The following ARL15 variants were observed in gnomAD, a reference collection of about 807,000 sequenced individuals.
ARL15 encodes the protein ADP-ribosylation factor-like protein 15.
ARL15 carries 19 observed loss-of-function variants against 25.2 expected under a neutral mutation model. The ratio of observed to expected loss-of-function variants is 0.75; its 90% CI spans 0.53 to 1.10. The LOEUF is 1.10. ARL15 is among the 50% of genes least tolerant of loss of function. The probability of loss-of-function intolerance (pLI) is 0.00; values close to 1 mark genes in which losing one functional copy is unlikely to be tolerated. For synonymous variants in ARL15, 94 were observed against 86.8 expected (o/e 1.08, Z -0.46); for missense variants, 220 against 246.0 (o/e 0.89, Z 0.71).
intron 4 of ARL15, among the ~76,000 whole-genome samples, chr5:53,909,025 C>A (rs1231587628): frequency 6.6e-6 from 1 of 152,162 alleles, no homozygotes; most frequent in Non-Finnish European, 1.5e-5. Context: ...GAGTCTTCAG[C>A]TTCTAAATTA....
chr5:53,967,689 A>G (rs1747608201), intron 4 of ARL15, among the ~76,000 whole-genome samples: 1 of 152,178 alleles, frequency 6.6e-6, no homozygotes, highest in African/African-American at 2.4e-5. Flanking sequence ...CAGATCTAGG[A>G]ATCATCTGCA....
chr5:54,247,401 A>AT (rs898509758), intron 1 of ARL15, among the ~76,000 whole-genome samples: 26 of 152,234 alleles, frequency 1.7e-4, no homozygotes, highest in African/African-American at 6.3e-4. Context: ...AATAACCTTG[A>AT]TGTGGGGTCG....
chr5:54,045,127 C>T (rs1750465159), intron 4 of ARL15, among the ~76,000 whole-genome samples: 2 of 152,126 alleles, frequency 1.3e-5, no homozygotes, highest in South Asian at 4.1e-4. Flanking sequence ...CTATACCTTA[C>T]CTGTACCAAA....
At chr5:53,978,859 G>A (rs903802201) in intron 4 of ARL15, among the ~76,000 whole-genome samples, 1 of 152,060 alleles carries the variant, frequency 6.6e-6, no homozygotes, top group Non-Finnish European at 1.5e-5. Context: ...TTTTCACAAA[G>A]GGAATGAGAA....
intron 4 of ARL15, among the ~76,000 whole-genome samples, chr5:53,992,155 T>A (rs889520651): frequency 2.0e-5 from 3 of 152,196 alleles, no homozygotes; most frequent in Admixed American, 2.0e-4. Flanking sequence ...CCATCTAATG[T>A]TGAAGCTGTG....
chr5:53,949,411 T>G (rs1311368718), intron 4 of ARL15, among the ~76,000 whole-genome samples: 1 of 152,180 alleles, frequency 6.6e-6, no homozygotes, highest in African/African-American at 2.4e-5. Flanking sequence ...GCCTAAAAAG[T>G]TGCTGTGTTT....
chr5:54,161,154 A>G (rs1754390827), intron 2 of ARL15, among the ~76,000 whole-genome samples: 1 of 152,172 alleles, frequency 6.6e-6, no homozygotes, highest in Admixed American at 6.5e-5. Context: ...TCAAGTTACC[A>G]TAATGTAATT....
chr5:54,150,045 A>G (rs534409963), intron 3 of ARL15, among the ~76,000 whole-genome samples: 4 of 152,322 alleles, frequency 2.6e-5, no homozygotes, highest in South Asian at 2.1e-4. Context: ...TTCTAGGCCT[A>G]TAAGAAGTAA....
At chr5:54,179,427 G>A (rs779442954) in intron 1 of ARL15, among the ~76,000 whole-genome samples, 6 of 152,114 alleles carry the variant, frequency 3.9e-5, no homozygotes, top group South Asian at 2.1e-4. Flanking sequence ...AAAGGAAGGC[G>A]AAGATACAAG....
chr5:53,976,468 T>C (rs1263814968), intron 4 of ARL15, among the ~76,000 whole-genome samples: 1 of 152,146 alleles, frequency 6.6e-6, no homozygotes, highest in African/African-American at 2.4e-5. Flanking sequence ...TGAACTTTTA[T>C]ACTAATGGAT....
At chr5:54,134,596 T>A (rs1026255927) in intron 3 of ARL15, among the ~76,000 whole-genome samples, 3 of 138,656 alleles carry the variant, frequency 2.2e-5, no homozygotes, top group African/African-American at 8.2e-5. Flanking sequence ...TTTTTTTTTT[T>A]TTTTTCTGAG....
intron 1 of ARL15, among the ~76,000 whole-genome samples, chr5:54,256,401 A>G (rs1464748177): frequency 7.1e-6 from 1 of 141,026 alleles, no homozygotes; most frequent in Non-Finnish European, 1.5e-5. Flanking sequence ...ACACAGCAAG[A>G]TCGAATCAGT....
At chr5:53,951,523 T>C (rs1412062219) in intron 4 of ARL15, 1 of 471,922 alleles carries the variant, frequency 2.1e-6, no homozygotes, top group Non-Finnish European at 4.4e-6. Context: ...TCTGTGTAGG[T>C]ATTCTTTGTG....
intron 1 of ARL15, among the ~76,000 whole-genome samples, chr5:54,203,934 G>T (rs772182180): frequency 2.0e-5 from 3 of 152,106 alleles, no homozygotes; most frequent in Non-Finnish European, 2.9e-5. Flanking sequence ...AATGAACTCA[G>T]TAATAGTCCC....
intron 3 of ARL15, among the ~76,000 whole-genome samples, chr5:54,150,476 G>A (rs1754033428): frequency 6.6e-6 from 1 of 152,154 alleles, no homozygotes; most frequent in Non-Finnish European, 1.5e-5. Context: ...ATGTCTTTGA[G>A]CAGAGAGCAA....
At chr5:54,222,729 G>A (rs1756411848) in intron 1 of ARL15, among the ~76,000 whole-genome samples, 1 of 152,166 alleles carries the variant, frequency 6.6e-6, no homozygotes, top group South Asian at 2.1e-4. Flanking sequence ...CACCCACCCA[G>A]TTACTGTGGG....
At chr5:53,927,012 ATTTTT>A (rs1746053383) in intron 4 of ARL15, among the ~76,000 whole-genome samples, 1 of 151,256 alleles carries the variant, frequency 6.6e-6, no homozygotes. Flanking sequence ...TTTTAATTTT[ATTTTT>A]ATTGTGGTAA....
At chr5:54,296,470 C>T (rs541234101) in intron 1 of ARL15, among the ~76,000 whole-genome samples, 2 of 152,314 alleles carry the variant, frequency 1.3e-5, no homozygotes, top group South Asian at 4.1e-4. Context: ...TCTGGCTCTG[C>T]CCCTGACCAT....
chr5:54,304,863 TAAA>T (rs1290742592), intron 1 of ARL15, among the ~76,000 whole-genome samples: 5 of 151,984 alleles, frequency 3.3e-5, no homozygotes. Flanking sequence ...TTTTTATCAA[TAAA>T]GAAGTTCAGT....
Sources: gnomAD v4.1 joint callset for allele counts (sites outside exome capture counted in the v4.1 genomes callset) on GRCh38, gnomAD v4.1.1 for gene constraint, MANE v1.5 for transcripts, NCBI Gene and HGNC (gene_info 2026-07-23, HGNC 2026-07-21) for gene names.